Variants in ARAP1 observed in about 807,000 individuals in gnomAD.
The protein encoded by ARAP1 is ArfGAP with RhoGAP domain, ankyrin repeat and PH domain 1.
ARAP1 carries 76 observed loss-of-function variants against 172.2 expected under a neutral mutation model. The observed-to-expected ratio is 0.44, with a 90% CI of 0.37 to 0.53. The LOEUF is 0.53. Ranked by LOEUF, ARAP1 falls within the 20% of genes least tolerant of loss-of-function variation. ARAP1 has a pLI of 0.00. For missense variants in ARAP1, 1,686 were observed against 1,977.5 expected (o/e 0.85, Z 2.80); for synonymous variants, 804 against 803.3 (o/e 1.00, Z -0.01).
intron 11 of ARAP1, 68 bp from the exon 12 acceptor site, chr11:72,707,442 G>A: frequency 6.9e-7 from 1 of 1,443,594 alleles, no homozygotes; most frequent in Admixed American, 1.9e-5. Context: ...GCATGAGGAT[G>A]CACAGAATGA....
chr11:72,714,930 C>G (rs1214597366), intron 3 of ARAP1, among the ~76,000 whole-genome samples: 1 of 152,192 alleles, frequency 6.6e-6, no homozygotes, highest in Non-Finnish European at 1.5e-5. Context: ...ACTCACTCAC[C>G]TCTGCTACCA....
chr11:72,741,107 G>T lies in ARAP1; in HGVS notation c.-127-8510C>A, dbSNP rs1326274823. Among the ~76,000 whole-genome samples the T allele has an allele frequency of 6.6e-6, 1 of 151,902 alleles. No homozygotes were observed. Among genetic ancestry groups the T allele is most frequent in the African/African-American group, 2.4e-5 (1 of 41,294 alleles). On this transcript the variant is annotated intron_variant, in intron 1 of 34. Transcript: ENST00000393609. This position sits in a 1 kb window ranked among gnomAD's most constrained non-coding sequence, Gnocchi z 4.5. Reference sequence around the variant, plus strand: ...ACCCCCGACCCCTAATGGGTCTGGGGACCCCTGCCGCTTCCCCCAACTCCT... The same window carrying T: ...ACCCCCGACCCCTAATGGGTCTGGGTACCCCTGCCGCTTCCCCCAACTCCT...
chr11:72,699,587 GCCC>G lies in ARAP1; in HGVS notation c.2303-38_2303-36del. The G allele has an allele frequency of 6.3e-7, 1 of 1,596,846 alleles. No homozygotes were observed. ...ATTTGGGCAGGGGAGCCATCAGGGA[GCCC>G]CCCACCACCTGAAAACCACCTCTGC... On this transcript the variant is annotated intron_variant, in intron 16 of 34. Coordinates refer to ENST00000393609, the MANE Select transcript of ARAP1 (RefSeq NM_001040118.3). The surrounding 1 kb of genome is among the most constrained non-coding windows in gnomAD (Gnocchi z 4.2).
In ARAP1 at chr11:72,714,187, A is replaced by G. The variant is rs753748421; in HGVS notation, c.644T>C (p.Ile215Thr). 7.9e-6 allele frequency: 12 copies of G among 1,512,896 alleles called. No homozygotes were observed. Among genetic ancestry groups the G allele is most frequent in the Non-Finnish European group, 3.5e-6 (4 of 1,136,844 alleles). The allele number at this position is 1,512,896 out of a possible 1,614,324, so 93.7% of individuals were successfully genotyped here. A position where few individuals can be genotyped will look rare whatever the true frequency, so the allele number is the denominator to read the frequency against. The change falls in exon 4 of 35, where the codon ATA becomes ACA. Residue 215 changes from isoleucine (I) to threonine (T), a missense_variant. This residue lies in a region of ARAP1 where 155 missense variants were observed against 129.2 expected (regional missense o/e 1.20). Coordinates refer to ENST00000393609, the MANE Select transcript of ARAP1 (RefSeq NM_001040118.3). ...GAACAGGCGTACCGGCTTTGGAGGT[A>G]TCTCCGGGGGGCAGGGAGGTGGAGA... ...PPSPPPCPPEIPPKPVRLFPE... is the reference protein window; with the variant it reads ...PPSPPPCPPETPPKPVRLFPE...
intron 19 of ARAP1, 95 bp from the exon 20 acceptor site, chr11:72,697,744 G>A (rs1050229757): frequency 1.5e-5 from 23 of 1,557,192 alleles, no homozygotes; most frequent in South Asian, 5.9e-5. Flanking sequence ...CTTGAGACCC[G>A]CCCACCAATG....
At chr11:72,723,046 A>T (rs1857578743) in intron 3 of ARAP1, among the ~76,000 whole-genome samples, 1 of 152,088 alleles carries the variant, frequency 6.6e-6, no homozygotes, top group Non-Finnish European at 1.5e-5. Context: ...AGTGGCTCAC[A>T]CCTGTAATCC....
chr11:72,725,859 C>T lies in ARAP1; in HGVS notation c.509+761G>A, dbSNP rs140765063. Among the ~76,000 whole-genome samples the T allele has an allele frequency of 6.6e-6, 1 of 152,324 alleles. No homozygotes were observed. Among genetic ancestry groups the T allele is most frequent in the Non-Finnish European group, 1.5e-5 (1 of 68,038 alleles). ...CCTCCAAGAAGCCTTCCAAGATTAGCCTCACTTCGCCCAAGTGCTCCACCA... is the reference window on the plus strand; with the variant it reads ...CCTCCAAGAAGCCTTCCAAGATTAGTCTCACTTCGCCCAAGTGCTCCACCA... On this transcript the variant is annotated intron_variant, in intron 3 of 34. Coordinates refer to ENST00000393609, the MANE Select transcript of ARAP1 (RefSeq NM_001040118.3). This position sits in a 1 kb window ranked among gnomAD's most constrained non-coding sequence, Gnocchi z 4.3.
rs746666136 is a variant in ARAP1, at chr11:72,709,899, G to A, written c.1494C>T (p.Phe498=). 6.8e-6 allele frequency: 11 copies of A among 1,614,068 alleles called. No homozygotes were observed. The highest frequency in any genetic ancestry group is 2.7e-5 in the African/African-American group (2 of 74,910). The change falls in exon 11 of 35, where the codon TTC becomes TTT. Residue 498 remains phenylalanine (F), a synonymous_variant. Coordinates refer to ENST00000393609, the MANE Select transcript of ARAP1 (RefSeq NM_001040118.3). The part of the protein sequence containing the change: ...GNVKEVDRRS[F]DLTTPYRIFS... Reference sequence around the variant, plus strand: ...AGATGCGGTAGGGCGTGGTGAGGTCGAAGCTGCGCCGGTCCACTTCCTTCA... The same window carrying A: ...AGATGCGGTAGGGCGTGGTGAGGTCAAAGCTGCGCCGGTCCACTTCCTTCA...
Position 72,687,834 on chromosome 11 carries a change from C to T in ARAP1, c.4071-96G>A, listed in dbSNP as rs1855755658. On this transcript the variant is annotated intron_variant, in intron 31 of 34. Coordinates refer to ENST00000393609, the MANE Select transcript of ARAP1 (RefSeq NM_001040118.3). ...CAGAGCCCAGAAGCCACAGCCAGAG[C>T]CAGAGCCAGAGTTCAGAGCCTTCTC... is the stretch of plus-strand genomic sequence containing the variant. 4 of 1,410,706 alleles carry T rather than the reference C, an allele frequency of 2.8e-6. No homozygotes were observed. In the African/African-American group the frequency reaches 5.6e-5, roughly 20 times the overall value. 87.4% of individuals were successfully genotyped at this position (1,410,706 alleles called of 1,614,324 possible).
chr11:72,701,903 A>C, intron 15 of ARAP1, 120 bp from the exon 16 acceptor site: 1 of 1,319,204 alleles, frequency 7.6e-7, no homozygotes, highest in Non-Finnish European at 1.0e-6. Flanking sequence ...CAGCTCCCTA[A>C]CTGGCAGCCT....
chr11:72,720,660 C>T (rs2135561625), intron 3 of ARAP1, among the ~76,000 whole-genome samples: 1 of 152,316 alleles, frequency 6.6e-6, no homozygotes, highest in African/African-American at 2.4e-5. Context: ...AGCCCATCCT[C>T]ACAACCGCGC....
chr11:72,717,813 G>A (rs1857346873), intron 3 of ARAP1, among the ~76,000 whole-genome samples: 1 of 152,224 alleles, frequency 6.6e-6, no homozygotes, highest in African/African-American at 2.4e-5. Context: ...CCGAGGCACA[G>A]GGATGCTAGG....
intron 1 of ARAP1, among the ~76,000 whole-genome samples, chr11:72,750,381 G>A (rs1449565025): frequency 6.6e-6 from 1 of 152,198 alleles, no homozygotes; most frequent in Non-Finnish European, 1.5e-5. Flanking sequence ...TCAGCCAAGG[G>A]AGAGTTGGGT....
Position 72,702,922 on chromosome 11 carries a change from C to T in ARAP1, c.2150G>A (p.Arg717Gln), listed in dbSNP as rs778301113. 6.1e-5 allele frequency: 95 copies of T among 1,555,874 alleles called. No homozygotes were observed. The highest frequency in any genetic ancestry group is 1.7e-4 in the Admixed American group (9 of 51,462). ...ACGCTCACCTGTGGTCCGGTTGTTC[C>T]GAAGGAATTCCATCTGCAGCGTCTG... is the stretch of plus-strand genomic sequence containing the variant. ...AGQTLQMEFLRNNRTTEVPRL... is the reference protein window; with the variant it reads ...AGQTLQMEFLQNNRTTEVPRL... The change falls in exon 15 of 35, where the codon CGG becomes CAG. Residue 717 changes from arginine to glutamine, a missense_variant. By Grantham distance (43) the Arg-to-Gln change is conservative (BLOSUM62 1). Around this residue, in one of 5 missense-constraint regions of ARAP1, gnomAD observed 688 missense variants for 856.9 expected, o/e 0.80. Transcript: ENST00000393609.
chr11:72,714,254 C>A lies in ARAP1; in HGVS notation c.577G>T (p.Glu193Ter). ...LSSPPQPQSE[E>*]PLSTLPQGPP... ...CCCTGGGGGAGGGTGGACAGGGGCT[C>A]CTCAGACTGTGGCTGGGGAGGGGAT... The change falls in exon 4 of 35, where the codon GAG becomes TAG. Residue 193 changes from glutamate to a stop codon, truncating the protein, a stop_gained. Coordinates refer to ENST00000393609, the MANE Select transcript of ARAP1 (RefSeq NM_001040118.3). LOFTEE classifies it high-confidence loss of function. The A allele has an allele frequency of 6.5e-7, 1 of 1,541,812 alleles. No homozygotes were observed. Among genetic ancestry groups the A allele is most frequent in the Non-Finnish European group, 8.7e-7 (1 of 1,144,522 alleles).
chr11:72,726,940 G>T lies in ARAP1; in HGVS notation c.189C>A (p.Gly63=). 2 of 1,597,084 alleles carry T rather than the reference G, an allele frequency of 1.3e-6. No individual in the cohort carries two copies. Among genetic ancestry groups the T allele is most frequent in the Non-Finnish European group, 1.7e-6 (2 of 1,172,138 alleles). Residue 63 remains glycine, a synonymous_variant, in exon 3 of 35, where the codon GGC becomes GGA. Coordinates refer to ENST00000393609, the MANE Select transcript of ARAP1 (RefSeq NM_001040118.3). This position sits in a 1 kb window ranked among gnomAD's most constrained non-coding sequence, Gnocchi z 6.5. Reference sequence around the variant, plus strand: ...CCGGTGAGGTATGGGCACGGAGCAGGCCAGCCAGGATGCGGCGGCGGTGAC... The same window carrying T: ...CCGGTGAGGTATGGGCACGGAGCAGTCCAGCCAGGATGCGGCGGCGGTGAC... ...LPGHRRRILA[G]LLRAHTSPAP...
In ARAP1 at chr11:72,718,171, G is replaced by A. The variant is rs536086297; in HGVS notation, c.510-3850C>T. 6.6e-5 allele frequency among the ~76,000 whole-genome samples: 10 copies of A among 152,240 alleles called. No homozygotes were observed. The South Asian group carries it at 1.7e-3, about 25-fold the overall frequency. Reference sequence around the variant, plus strand: ...CTCCCTGCCTGCCTGCTTACCACAGGGTATCAGGGCACTGCTGAGTCAGGA... The same window carrying A: ...CTCCCTGCCTGCCTGCTTACCACAGAGTATCAGGGCACTGCTGAGTCAGGA... On this transcript the variant is annotated intron_variant, in intron 3 of 34. Coordinates refer to ENST00000393609, the MANE Select transcript of ARAP1 (RefSeq NM_001040118.3).
chr11:72,747,629 G>C (rs1272377553), intron 1 of ARAP1, among the ~76,000 whole-genome samples: 1 of 152,208 alleles, frequency 6.6e-6, no homozygotes, highest in Non-Finnish European at 1.5e-5. Flanking sequence ...TTGGCTGAGA[G>C]ACTGCAGGCA....
At chr11:72,731,458 C>T (rs1409566880) in intron 2 of ARAP1, among the ~76,000 whole-genome samples, 1 of 152,172 alleles carries the variant, frequency 6.6e-6, no homozygotes, top group Non-Finnish European at 1.5e-5. Context: ...CCTCCCTCAC[C>T]ATGTGACATG....
Sources: gnomAD v4.1 joint callset for allele counts (sites outside exome capture counted in the v4.1 genomes callset) on GRCh38, gnomAD v4.1.1 for gene constraint, gnomAD v4.1.1 regional missense constraint, Gnocchi (gnomAD v3.1) non-coding constraint, MANE v1.5 for transcripts, NCBI Gene and HGNC (gene_info 2026-07-23, HGNC 2026-07-21) for gene names.